The following ITPK1 variants were observed in gnomAD, a reference collection of about 807,000 sequenced individuals.
The protein encoded by ITPK1 is inositol 1,3,4-trisphosphate 5/6-kinase.
A neutral mutation model predicts 45.3 loss-of-function variants in ITPK1; 21 were observed. The observed-to-expected ratio is 0.46, with a 90% CI of 0.33 to 0.67. ITPK1 has a LOEUF of 0.67. ITPK1 is among the 30% of genes least tolerant of loss of function. ITPK1 has a pLI of 0.02. For missense variants in ITPK1, 474 were observed against 573.5 expected (o/e 0.83, Z 1.77); for synonymous variants, 258 against 253.6 (o/e 1.02, Z -0.16).
chr14:93,041,873 A>G (rs1210109443), intron 3 of ITPK1, among the ~76,000 whole-genome samples: 1 of 152,160 alleles, frequency 6.6e-6, no homozygotes, highest in Non-Finnish European at 1.5e-5. Flanking sequence ...GGGGGTTCAG[A>G]TGCTAGGAAC....
intron 4 of ITPK1, among the ~76,000 whole-genome samples, chr14:92,997,229 C>A (rs572698598): frequency 2.0e-5 from 3 of 152,206 alleles, no homozygotes; most frequent in African/African-American, 7.2e-5. Flanking sequence ...CTCGAAGTCC[C>A]AAGAAAAGTC....
Position 92,941,660 on chromosome 14 carries a change from G to A in ITPK1, c.1146C>T (p.Ala382=). The stretch of plus-strand genomic sequence containing the variant: ...AGCCGAGTCTCTGGTGCGGCAGCTT[G>A]GCGGTGCCGCCCGCGTCGGCCTCAG... The part of the protein sequence containing the change: ...WKAEADAGGT[A]KLPHQRLGCN... The change falls in exon 11 of 11, where the codon GCC becomes GCT. Residue 382 remains alanine, a synonymous_variant. Transcript: ENST00000267615. 1.3e-6 allele frequency: 2 copies of A among 1,540,424 alleles called. No homozygotes were observed. The highest frequency in any genetic ancestry group is 1.7e-6 in the Non-Finnish European group (2 of 1,145,366).
intron 4 of ITPK1, among the ~76,000 whole-genome samples, chr14:92,996,563 C>T (rs1479529028): frequency 6.6e-6 from 1 of 151,658 alleles, no homozygotes; most frequent in Non-Finnish European, 1.5e-5. Context: ...CACATGTACC[C>T]TAGAACTTAA....
chr14:93,023,431 C>G (rs1262108072), intron 3 of ITPK1, among the ~76,000 whole-genome samples: 2 of 152,228 alleles, frequency 1.3e-5, no homozygotes, highest in African/African-American at 4.8e-5. Flanking sequence ...GAGCCCCCAG[C>G]TGGCCCTGTG....
At chr14:93,000,565 T>C (rs1251112150) in intron 4 of ITPK1, among the ~76,000 whole-genome samples, 3 of 152,188 alleles carry the variant, frequency 2.0e-5, no homozygotes, top group Non-Finnish European at 4.4e-5. Context: ...GCCATTCCAG[T>C]GTCAAACGCC....
intron 4 of ITPK1, among the ~76,000 whole-genome samples, chr14:93,003,352 G>T (rs1402216435): frequency 1.3e-5 from 2 of 152,180 alleles, no homozygotes; most frequent in African/African-American, 2.4e-5. Context: ...TGATTAACTT[G>T]TCATCAACCA....
Position 93,016,901 on chromosome 14 carries a change from C to G in ITPK1, c.121-100G>C. 2 of 1,509,286 alleles carry G rather than the reference C, an allele frequency of 1.3e-6. No individual in the cohort carries two copies. The highest frequency in any genetic ancestry group is 1.8e-6 in the Non-Finnish European group (2 of 1,113,366). The allele number at this position is 1,509,286 out of a possible 1,614,324, so 93.5% of individuals were successfully genotyped here. On this transcript the variant is annotated intron_variant, in intron 3 of 10. Coordinates refer to ENST00000267615, the MANE Select transcript of ITPK1 (RefSeq NM_014216.6). The surrounding 1 kb of genome is among the most constrained non-coding windows in gnomAD (Gnocchi z 5.0). Reference sequence around the variant, plus strand: ...CTGGGGCATATCACCAGAGGACCCTCGAGCCTCCCTGTAGCACTCTGGAGA... The same window carrying G: ...CTGGGGCATATCACCAGAGGACCCTGGAGCCTCCCTGTAGCACTCTGGAGA...
intron 8 of ITPK1, among the ~76,000 whole-genome samples, chr14:92,953,158 T>A (rs1189192258): frequency 6.6e-6 from 1 of 152,222 alleles, no homozygotes; most frequent in Admixed American, 6.5e-5. Context: ...CAACGACCCA[T>A]CAGCTCCAGG....
chr14:93,055,441 C>A (rs2139937743), intron 3 of ITPK1, among the ~76,000 whole-genome samples: 1 of 152,258 alleles, frequency 6.6e-6, no homozygotes, highest in Non-Finnish European at 1.5e-5. Flanking sequence ...TCCCAGTCCC[C>A]CTCCCCCACC....
At chr14:92,952,289 G>GC (rs1887993607) in intron 8 of ITPK1, among the ~76,000 whole-genome samples, 2 of 152,304 alleles carry the variant, frequency 1.3e-5, no homozygotes, top group Admixed American at 1.3e-4. Flanking sequence ...TTTCCCTGAG[G>GC]CCCTGTTCCC....
intron 2 of ITPK1, among the ~76,000 whole-genome samples, chr14:93,099,662 G>T (rs1444791269): frequency 6.6e-6 from 1 of 152,202 alleles, no homozygotes; most frequent in Non-Finnish European, 1.5e-5. Flanking sequence ...GCACAAGGTG[G>T]GGTCCAGGAA....
chr14:93,071,042 T>C (rs1412863131), intron 3 of ITPK1: 1 of 153,798 alleles, frequency 6.5e-6, no homozygotes, highest in African/African-American at 2.4e-5. Flanking sequence ...GTAGAGAGCA[T>C]CTGGTCCCAC....
At chr14:92,953,705 C>T (rs1888066928) in intron 8 of ITPK1, among the ~76,000 whole-genome samples, 1 of 152,182 alleles carries the variant, frequency 6.6e-6, no homozygotes, top group African/African-American at 2.4e-5. Flanking sequence ...GGGAAGTCTG[C>T]AGGAGCCGCA....
intron 2 of ITPK1, among the ~76,000 whole-genome samples, chr14:93,084,555 C>T (rs1007556245): frequency 6.6e-6 from 1 of 152,028 alleles, no homozygotes; most frequent in Non-Finnish European, 1.5e-5. Flanking sequence ...GTGAGTAAAC[C>T]TATTTCCGCC....
intron 2 of ITPK1, among the ~76,000 whole-genome samples, chr14:93,080,874 C>T (rs1304366292): frequency 6.6e-6 from 1 of 152,014 alleles, no homozygotes; most frequent in Non-Finnish European, 1.5e-5. Flanking sequence ...GTAGCTGGGA[C>T]TACAGGCATT....
intron 4 of ITPK1, among the ~76,000 whole-genome samples, chr14:92,996,541 C>T (rs970152644): frequency 2.0e-5 from 3 of 151,806 alleles, no homozygotes; most frequent in Non-Finnish European, 4.4e-5. Flanking sequence ...GGTAACAAAC[C>T]TGCACGTTGT....
intron 4 of ITPK1, among the ~76,000 whole-genome samples, chr14:92,995,064 C>T (rs1305065660): frequency 6.6e-6 from 1 of 152,196 alleles, no homozygotes; most frequent in Non-Finnish European, 1.5e-5. Flanking sequence ...CCCACCACCA[C>T]CACCACTGGG....
At chr14:92,998,187 A>T (rs930360976) in intron 4 of ITPK1, among the ~76,000 whole-genome samples, 1 of 152,202 alleles carries the variant, frequency 6.6e-6, no homozygotes, top group Non-Finnish European at 1.5e-5. Context: ...CATCATGGAG[A>T]TCATGGATGC....
chr14:92,950,179 C>A (rs920494920), intron 9 of ITPK1, among the ~76,000 whole-genome samples: 1 of 152,228 alleles, frequency 6.6e-6, no homozygotes, highest in African/African-American at 2.4e-5. Flanking sequence ...CCTCCAAGTT[C>A]GGTGGGGCTA....
Sources: gnomAD v4.1 joint callset for allele counts (sites outside exome capture counted in the v4.1 genomes callset) on GRCh38, gnomAD v4.1.1 for gene constraint, Gnocchi (gnomAD v3.1) non-coding constraint, MANE v1.5 for transcripts, NCBI Gene and HGNC (gene_info 2026-07-23, HGNC 2026-07-21) for gene names.